Variants in MFHAS1 observed in about 807,000 individuals in gnomAD.
MFHAS1 encodes the protein multifunctional ROCO family signaling regulator 1.
Under a neutral mutation model 70.4 loss-of-function variants are expected in MFHAS1, and 50 were observed. The ratio of observed to expected loss-of-function variants is 0.71; its 90% CI spans 0.57 to 0.90. The LOEUF (loss-of-function observed/expected upper bound fraction) is 0.90. Among genes scored for constraint, MFHAS1 ranks in the 40% least tolerant of loss-of-function variants. MFHAS1 has a pLI of 0.00. For synonymous variants in MFHAS1, 952 were observed against 620.0 expected, an observed-to-expected ratio of 1.54 and a Z score of -7.96; for missense variants, 1,795 against 1,347.6, an observed-to-expected ratio of 1.33 and a Z score of -5.20.
chr8:8,875,736 G>A lies in MFHAS1; in HGVS notation c.2998+14325C>T, dbSNP rs113349576. Among the ~76,000 whole-genome samples, 1,257 of 152,160 alleles carry A rather than the reference G, an allele frequency of 8.3e-3. 20 individuals are homozygous for A. Among genetic ancestry groups the A allele is most frequent in the African/African-American group, 0.029 (1,195 of 41,512 alleles). ...CTCCTGAGTAGCTGGGATTACAGGT[G>A]CGTGCCACCACGCTCAGCTAATTTT... is the stretch of plus-strand genomic sequence containing the variant. On this transcript the variant is annotated intron_variant, in intron 1 of 2. Coordinates refer to ENST00000276282, the MANE Select transcript of MFHAS1 (RefSeq NM_004225.3).
At chr8:8,822,701 A>G (rs575508172) in intron 1 of MFHAS1, among the ~76,000 whole-genome samples, 21 of 144,134 alleles carry the variant, frequency 1.5e-4, no homozygotes, top group African/African-American at 4.4e-4. Context: ...AGGGGGACTG[A>G]GATGGGGGCA....
chr8:8,815,263 T>A (rs916956159), intron 1 of MFHAS1, among the ~76,000 whole-genome samples: 2 of 152,220 alleles, frequency 1.3e-5, no homozygotes. Flanking sequence ...ATCCAGTCTA[T>A]CATTGATGGG....
At chr8:8,788,555 T>C (rs1351374478) in intron 2 of MFHAS1, among the ~76,000 whole-genome samples, 3 of 152,166 alleles carry the variant, frequency 2.0e-5, no homozygotes, top group Non-Finnish European at 4.4e-5. Flanking sequence ...GGTGCATGCC[T>C]GTAGTCCCAG....
At chr8:8,876,079 C>G (rs1028588607) in intron 1 of MFHAS1, among the ~76,000 whole-genome samples, 3 of 152,188 alleles carry the variant, frequency 2.0e-5, no homozygotes, top group Non-Finnish European at 4.4e-5. Flanking sequence ...TCCTACTGAG[C>G]TCTTGCCAGG....
chr8:8,785,272 A>T lies in MFHAS1; in HGVS notation c.*750T>A, dbSNP rs1050134027. 1 of 152,192 alleles carries T rather than the reference A, an allele frequency of 6.6e-6. No individual in the cohort carries two copies. The highest frequency in any genetic ancestry group is 2.4e-5 in the African/African-American group (1 of 41,440). The allele number at this position is 152,192 out of a possible 1,614,324, so 9.4% of individuals were successfully genotyped here. ...AGCGTGCCAGATGATTTATATAGGCAGGGACCTTCATTGAAAAGAAGGGAA... is the reference window on the plus strand; with the variant it reads ...AGCGTGCCAGATGATTTATATAGGCTGGGACCTTCATTGAAAAGAAGGGAA... On this transcript the variant is annotated 3_prime_UTR_variant, in exon 3 of 3. Transcript: ENST00000276282.
chr8:8,837,693 T>G (rs753555695), intron 1 of MFHAS1, among the ~76,000 whole-genome samples: 1 of 150,960 alleles, frequency 6.6e-6, no homozygotes, highest in Non-Finnish European at 1.5e-5. Context: ...CACTTATCAT[T>G]AGGAACATGC....
chr8:8,891,975 C>G lies in MFHAS1; in HGVS notation c.1084G>C (p.Gly362Arg), dbSNP rs775132446. Reference sequence around the variant, plus strand: ...CACAAACCCACCCGGGAGAGCTGGCCAAAGTGGTCGGGCAGCACCGCGATC... The same window carrying G: ...CACAAACCCACCCGGGAGAGCTGGCGAAAGTGGTCGGGCAGCACCGCGATC... ...NQIAVLPDHF[G>R]QLSRVGLWKI... Residue 362 changes from glycine to arginine, a missense_variant, in exon 1 of 3, where the codon GGC becomes CGC. By Grantham distance (125) the Gly-to-Arg change is moderately radical (BLOSUM62 -2). Coordinates refer to ENST00000276282, the MANE Select transcript of MFHAS1 (RefSeq NM_004225.3). This position sits in a 1 kb window ranked among gnomAD's most constrained non-coding sequence, Gnocchi z 5.4. 6.2e-7 allele frequency: 1 copy of G among 1,612,874 alleles called. No individual in the cohort carries two copies. The highest frequency in any genetic ancestry group is 8.5e-7 in the Non-Finnish European group (1 of 1,179,554).
chr8:8,830,779 G>A (rs985932590), intron 1 of MFHAS1, among the ~76,000 whole-genome samples: 2 of 152,096 alleles, frequency 1.3e-5, no homozygotes, highest in African/African-American at 4.8e-5. Context: ...TGTATTTTTA[G>A]TAGAGGCGGA....
At chr8:8,829,641 A>C (rs566577728) in intron 1 of MFHAS1, among the ~76,000 whole-genome samples, 1 of 152,334 alleles carries the variant, frequency 6.6e-6, no homozygotes, top group South Asian at 2.1e-4. Flanking sequence ...AGATCACGCC[A>C]CTGCACTTCA....
intron 1 of MFHAS1, among the ~76,000 whole-genome samples, chr8:8,835,106 TA>T (rs1474820433): frequency 6.6e-6 from 1 of 152,178 alleles, no homozygotes; most frequent in Non-Finnish European, 1.5e-5. Flanking sequence ...TAGGGCAACC[TA>T]ATTCCCATGG....
intron 1 of MFHAS1, among the ~76,000 whole-genome samples, chr8:8,885,520 C>A (rs549341456): frequency 4.6e-5 from 7 of 152,288 alleles, no homozygotes; most frequent in African/African-American, 1.7e-4. Flanking sequence ...AGTACCAACT[C>A]TTTGAGTTTA....
intron 2 of MFHAS1, among the ~76,000 whole-genome samples, chr8:8,787,867 C>A (rs1805603528): frequency 6.6e-6 from 1 of 152,234 alleles, no homozygotes; most frequent in African/African-American, 2.4e-5. Flanking sequence ...GACGGAAAAT[C>A]CCACTGTTCA....
At chr8:8,840,994 T>C (rs1807800617) in intron 1 of MFHAS1, among the ~76,000 whole-genome samples, 1 of 152,244 alleles carries the variant, frequency 6.6e-6, no homozygotes, top group Non-Finnish European at 1.5e-5. Flanking sequence ...TATGTAAAAC[T>C]ATAAGCCCCA....
In MFHAS1 at chr8:8,891,067, C is replaced by G; in HGVS notation, c.1992G>C (p.Gln664His). The part of the protein sequence containing the change: ...NLHRVLPRSW[Q>H]VLEELHFQPP... ...GCTGGAAATGCAGTTCCTCCAGCAC[C>G]TGCCAGGATCGAGGCAGTACTCTGT... The change falls in exon 1 of 3, where the codon CAG becomes CAC. Residue 664 changes from glutamine to histidine, a missense_variant. Gln to His is a conservative substitution (Grantham distance 24). Coordinates refer to ENST00000276282, the MANE Select transcript of MFHAS1 (RefSeq NM_004225.3). The surrounding 1 kb of genome is among the most constrained non-coding windows in gnomAD (Gnocchi z 5.4). 1 of 1,613,738 alleles carries G rather than the reference C, an allele frequency of 6.2e-7. No homozygotes were observed. Among genetic ancestry groups the G allele is most frequent in the African/African-American group, 1.3e-5 (1 of 75,024 alleles).
At chr8:8,797,589 A>G in intron 1 of MFHAS1, 98 bp from the exon 2 acceptor site, 1 of 1,362,254 alleles carries the variant, frequency 7.3e-7, no homozygotes, top group Non-Finnish European at 1.0e-6. Flanking sequence ...GCAGGGGGAG[A>G]AGGGCAGAGG....
intron 1 of MFHAS1, among the ~76,000 whole-genome samples, chr8:8,820,336 T>C (rs1316640735): frequency 1.3e-5 from 2 of 152,106 alleles, no homozygotes; most frequent in African/African-American, 2.4e-5. Flanking sequence ...CCTACACCTT[T>C]TTCCAAAAGC....
Position 8,828,514 on chromosome 8 carries a change from C to T in MFHAS1, c.2999-31023G>A, listed in dbSNP as rs369205237. On this transcript the variant is annotated intron_variant, in intron 1 of 2. Transcript: ENST00000276282. Reference sequence around the variant, plus strand: ...TCTTCACAGAAAGAAGGTAACAGCCCGGGCCCTAGTCCACATTGCTCACAC... The same window carrying T: ...TCTTCACAGAAAGAAGGTAACAGCCTGGGCCCTAGTCCACATTGCTCACAC... Among the ~76,000 whole-genome samples, 137 of 152,228 alleles carry T rather than the reference C, an allele frequency of 9.0e-4. 3 individuals carry two copies. In the South Asian group the frequency reaches 0.026, roughly 29 times the overall value.
intron 1 of MFHAS1, among the ~76,000 whole-genome samples, chr8:8,863,545 A>G (rs528566363): frequency 2.3e-4 from 35 of 152,310 alleles, no homozygotes; most frequent in African/African-American, 8.2e-4. Flanking sequence ...TCCACTGGCC[A>G]TAACCCCTTG....
chr8:8,817,183 T>G (rs1175476330), intron 1 of MFHAS1, among the ~76,000 whole-genome samples: 1 of 152,132 alleles, frequency 6.6e-6, no homozygotes, highest in Non-Finnish European at 1.5e-5. Context: ...AAACTGGATA[T>G]TACATCACTT....
Sources: allele counts gnomAD v4.1 joint callset (sites outside exome capture counted in the v4.1 genomes callset), GRCh38; gene constraint gnomAD v4.1.1; non-coding constraint Gnocchi (gnomAD v3.1); transcripts MANE v1.5; gene names NCBI Gene and HGNC (gene_info 2026-07-23, HGNC 2026-07-21).